GRIK1: variants seen among roughly 807,000 people sequenced by gnomAD.
GRIK1 encodes the protein glutamate receptor ionotropic, kainate 1.
GRIK1 carries 69 observed loss-of-function variants against 105.7 expected under a neutral mutation model. That is an observed-to-expected ratio of 0.65 (90% CI 0.54 to 0.80). GRIK1 has a LOEUF of 0.80. Among genes scored for constraint, GRIK1 ranks in the 30% least tolerant of loss-of-function variants. The pLI, the probability that GRIK1 is intolerant of heterozygous loss-of-function variation, is 0.00. For missense variants in GRIK1, 1,109 were observed against 1,167.3 expected (o/e 0.95, Z 0.73); for synonymous variants, 438 against 431.3 (o/e 1.02, Z -0.19).
intron 1 of GRIK1, among the ~76,000 whole-genome samples, chr21:29,719,926 T>G (rs1050538991): frequency 6.6e-6 from 1 of 152,226 alleles, no homozygotes; most frequent in African/African-American, 2.4e-5. Flanking sequence ...TATAGCATAT[T>G]TCAGAAATAC....
At chr21:29,654,032 C>A (rs1191571239) in intron 5 of GRIK1, among the ~76,000 whole-genome samples, 2 of 152,108 alleles carry the variant, frequency 1.3e-5, no homozygotes, top group African/African-American at 4.8e-5. Context: ...TGTTACTGAC[C>A]CCCCCAGAAT....
chr21:29,868,763 C>T (rs2068911839), intron 1 of GRIK1, among the ~76,000 whole-genome samples: 1 of 151,830 alleles, frequency 6.6e-6, no homozygotes, highest in Admixed American at 6.6e-5. Flanking sequence ...GCTTCTTTTG[C>T]TATCATTGTC....
At chr21:29,578,278 G>A (rs558767945) in intron 13 of GRIK1, among the ~76,000 whole-genome samples, 3 of 152,284 alleles carry the variant, frequency 2.0e-5, no homozygotes, top group Non-Finnish European at 2.9e-5. Flanking sequence ...TAAAAATCCC[G>A]AAGAGTGAAG....
intron 1 of GRIK1, among the ~76,000 whole-genome samples, chr21:29,838,365 A>G (rs1327141236): frequency 2.7e-5 from 4 of 150,232 alleles, no homozygotes; most frequent in Non-Finnish European, 4.5e-5. Context: ...GATATCACAG[A>G]AAAAAAAAAG....
chr21:29,776,291 C>A (rs1053437550), intron 1 of GRIK1, among the ~76,000 whole-genome samples: 1 of 152,188 alleles, frequency 6.6e-6, no homozygotes, highest in African/African-American at 2.4e-5. Context: ...TACTTTATTA[C>A]ATACCCTCAT....
chr21:29,923,774 C>G (rs915524990), intron 1 of GRIK1, among the ~76,000 whole-genome samples: 1 of 152,114 alleles, frequency 6.6e-6, no homozygotes, highest in East Asian at 1.9e-4. Flanking sequence ...TTCCCTTCAG[C>G]CTTATGTAAT....
intron 1 of GRIK1, among the ~76,000 whole-genome samples, chr21:29,856,009 T>C (rs1372115882): frequency 1.3e-5 from 2 of 152,202 alleles, no homozygotes; most frequent in Non-Finnish European, 2.9e-5. Context: ...AGCTTAATCT[T>C]GGAAATATTG....
intron 1 of GRIK1, among the ~76,000 whole-genome samples, chr21:29,935,995 C>T (rs1245766283): frequency 1.3e-5 from 2 of 152,106 alleles, no homozygotes; most frequent in Non-Finnish European, 1.5e-5. Context: ...TACTCAAAGC[C>T]CTTTCATATT....
intron 7 of GRIK1, among the ~76,000 whole-genome samples, chr21:29,620,977 G>T (rs2832413): frequency 0.22 from 32,972 of 147,910 alleles, 5,026 homozygotes; most frequent in African/African-American, 0.43. Flanking sequence ...TACAGAATTT[G>T]GAAAAAAAAT....
At chr21:29,782,159 T>G (rs1046902318) in intron 1 of GRIK1, among the ~76,000 whole-genome samples, 12 of 149,056 alleles carry the variant, frequency 8.1e-5, no homozygotes, top group Admixed American at 6.8e-4. Context: ...CGATCTCGGC[T>G]CACTGCAAGC....
chr21:29,799,988 G>A (rs776961181), intron 1 of GRIK1, among the ~76,000 whole-genome samples: 1 of 152,192 alleles, frequency 6.6e-6, no homozygotes, highest in Non-Finnish European at 1.5e-5. Context: ...TTAATCATAA[G>A]AGGCTTCTCC....
intron 1 of GRIK1, among the ~76,000 whole-genome samples, chr21:29,900,400 A>G (rs1183514210): frequency 2.0e-5 from 3 of 151,370 alleles, no homozygotes; most frequent in Admixed American, 2.0e-4. Context: ...CTCACTTGCA[A>G]AGACACACAT....
At chr21:29,570,809 G>A (rs188255190) in intron 14 of GRIK1, among the ~76,000 whole-genome samples, 46 of 149,426 alleles carry the variant, frequency 3.1e-4, no homozygotes, top group African/African-American at 1.1e-3. Context: ...GCCTTAATAA[G>A]CATCATTAGC....
At chr21:29,662,061 C>G (rs363567) in intron 4 of GRIK1, among the ~76,000 whole-genome samples, 2,052 of 152,304 alleles carry the variant, frequency 0.013, 83 homozygotes, top group East Asian at 0.098. Flanking sequence ...AATAACTGTA[C>G]TATTTGGAAG....
At chr21:29,707,644 C>CCT in intron 1 of GRIK1, among the ~76,000 whole-genome samples, 1 of 151,848 alleles carries the variant, frequency 6.6e-6, no homozygotes, top group East Asian at 1.9e-4. Context: ...TACAGGCGTT[C>CCT]GCCACCACAC....
chr21:29,583,296 A>C (rs1210630817), intron 12 of GRIK1, among the ~76,000 whole-genome samples: 1 of 152,196 alleles, frequency 6.6e-6, no homozygotes, highest in Non-Finnish European at 1.5e-5. Context: ...TGCTGAGCTG[A>C]AGAAATGAAT....
At chr21:29,618,332 T>A (rs1358249682) in intron 7 of GRIK1, among the ~76,000 whole-genome samples, 1 of 152,058 alleles carries the variant, frequency 6.6e-6, no homozygotes, top group Non-Finnish European at 1.5e-5. Context: ...CCCGCAAGAA[T>A]GGCCATAATA....
At chr21:29,932,892 A>C (rs1411701252) in intron 1 of GRIK1, among the ~76,000 whole-genome samples, 1 of 151,842 alleles carries the variant, frequency 6.6e-6, no homozygotes, top group East Asian at 1.9e-4. Context: ...TTTCAATTTA[A>C]AACAATGTTA....
At chr21:29,935,408 G>T (rs1392015552) in intron 1 of GRIK1, among the ~76,000 whole-genome samples, 1 of 152,008 alleles carries the variant, frequency 6.6e-6, no homozygotes, top group Non-Finnish European at 1.5e-5. Context: ...AGGGAAGTAA[G>T]AACTCAAATA....
Sources: gnomAD v4.1 joint callset for allele counts (sites outside exome capture counted in the v4.1 genomes callset) on GRCh38, gnomAD v4.1.1 for gene constraint, MANE v1.5 for transcripts, NCBI Gene and HGNC (gene_info 2026-07-23, HGNC 2026-07-21) for gene names.